Variants in FBXW7 observed in about 807,000 individuals in gnomAD.
FBXW7 encodes the protein F-box and WD repeat domain containing 7.
A neutral mutation model predicts 86.3 loss-of-function variants in FBXW7; 11 were observed. That is an observed-to-expected ratio of 0.13 (90% CI 0.08 to 0.21). FBXW7 has a LOEUF of 0.21. FBXW7 is among the 10% of genes least tolerant of loss of function. The pLI, the probability that FBXW7 is intolerant of heterozygous loss-of-function variation, is 1.00. For missense variants in FBXW7, 488 were observed against 847.4 expected (o/e 0.58, Z 5.27); for synonymous variants, 313 against 297.9 (o/e 1.05, Z -0.52).
At chr4:152,437,631 T>C (rs927868519) in intron 2 of FBXW7, among the ~76,000 whole-genome samples, 4 of 152,216 alleles carry the variant, frequency 2.6e-5, no homozygotes, top group Admixed American at 2.6e-4. Flanking sequence ...GCCTCCAGTT[T>C]TGAAAGAAGT....
At chr4:152,523,284 C>T (rs1028427939) in intron 2 of FBXW7, among the ~76,000 whole-genome samples, 1 of 151,840 alleles carries the variant, frequency 6.6e-6, no homozygotes, top group Non-Finnish European at 1.5e-5. Flanking sequence ...TAAAAACTTT[C>T]ACAATTTAAT....
intron 7 of FBXW7, among the ~76,000 whole-genome samples, chr4:152,334,741 T>G (rs1462562423): frequency 6.6e-6 from 1 of 152,130 alleles, no homozygotes; most frequent in Non-Finnish European, 1.5e-5. Context: ...AAAGAAATAC[T>G]AAGGCGCTAA....
At chr4:152,425,001 T>C (rs965257276) in intron 2 of FBXW7, among the ~76,000 whole-genome samples, 5 of 152,224 alleles carry the variant, frequency 3.3e-5, no homozygotes, top group Non-Finnish European at 7.3e-5. Flanking sequence ...TTGGTAAATC[T>C]GAAATAGGAC....
Position 152,322,714 on chromosome 4 carries a change from T to G in FBXW7, c.*167A>C. ...GTTATGGTTTGTCATCTCTTCTTCT[T>G]TTCCTTCTTAGTCTGTAGGTCTTTT... is the stretch of plus-strand genomic sequence containing the variant. On this transcript the variant is annotated 3_prime_UTR_variant, in exon 14 of 14. Transcript: ENST00000281708. 3.5e-6 allele frequency: 4 copies of G among 1,140,724 alleles called. No homozygotes were observed. The highest frequency in any genetic ancestry group is 4.8e-6 in the Non-Finnish European group (4 of 838,644). 70.7% of individuals were successfully genotyped at this position (1,140,724 alleles called of 1,614,324 possible).
chr4:152,338,625 A>G (rs1182829168), intron 6 of FBXW7, among the ~76,000 whole-genome samples: 2 of 151,934 alleles, frequency 1.3e-5, no homozygotes, highest in Non-Finnish European at 2.9e-5. Flanking sequence ...TGCTTCAGAA[A>G]TAAGAGTTCC....
chr4:152,509,489 T>G (rs1319170877), intron 2 of FBXW7, among the ~76,000 whole-genome samples: 3 of 152,194 alleles, frequency 2.0e-5, no homozygotes, highest in Non-Finnish European at 4.4e-5. Context: ...CGTCTCCTGT[T>G]AACCCAGACT....
intron 2 of FBXW7, among the ~76,000 whole-genome samples, chr4:152,481,925 A>G (rs1050920460): frequency 3.3e-5 from 5 of 152,190 alleles, no homozygotes; most frequent in Non-Finnish European, 7.3e-5. Flanking sequence ...ATAACAAAGG[A>G]TTTACAATAT....
In FBXW7 at chr4:152,396,247, C is replaced by T. The variant is rs568626143; in HGVS notation, c.501+15056G>A. Among the ~76,000 whole-genome samples the T allele has an allele frequency of 2.3e-3, 348 of 152,088 alleles. 1 individual carries two copies. Among genetic ancestry groups the T allele is most frequent in the African/African-American group, 8.1e-3 (337 of 41,552 alleles). ...TGACTTCTGGGTGGATAAAAGTGAT[C>T]TCTTACCCTTTATAAAATAATACAT... On this transcript the variant is annotated intron_variant, in intron 4 of 13. Transcript: ENST00000281708.
chr4:152,389,723 T>C (rs961937665), intron 4 of FBXW7, among the ~76,000 whole-genome samples: 2 of 151,816 alleles, frequency 1.3e-5, no homozygotes, highest in African/African-American at 2.4e-5. Flanking sequence ...AATATATCCA[T>C]GTAAAAAAAA....
At position 152,337,918 on chromosome 4, in the gene FBXW7, T is replaced by G; in HGVS notation, c.745A>C (p.Lys249Gln). ...ATGAGTTCATCTAAAGCAAGCAATT[T>G]CTCTGGTCCACTCCAGCTCTATCAA... Reference protein sequence around the residue: ...KMFQSWSGPEKLLALDELIDS... With the variant: ...KMFQSWSGPEQLLALDELIDS... The change falls in exon 7 of 14, where the codon AAA becomes CAA. Residue 249 changes from lysine (K) to glutamine (Q), a missense_variant. Coordinates refer to ENST00000281708, the MANE Select transcript of FBXW7 (RefSeq NM_001349798.2). 6.2e-7 allele frequency: 1 copy of G among 1,611,848 alleles called. No homozygotes were observed. The highest frequency in any genetic ancestry group is 8.5e-7 in the Non-Finnish European group (1 of 1,179,038).
In FBXW7 at chr4:152,346,921, A is replaced by G. The variant is rs1227364077; in HGVS notation, c.726+9T>C. 1 of 1,612,752 alleles carries G rather than the reference A, an allele frequency of 6.2e-7. No individual in the cohort carries two copies. Among genetic ancestry groups the G allele is most frequent in the Non-Finnish European group, 8.5e-7 (1 of 1,179,456 alleles). ...GAGGCATTTCAAGTACTATGTTTAG[A>G]TATGTCACCTGAAACATTTTTAGCC... On this transcript the variant is annotated intron_variant, in intron 6 of 13. Transcript: ENST00000281708.
rs1030654510 is a variant in FBXW7, at chr4:152,439,224, C to T, written c.-119-26695G>A. ...ATAGAAAATCCATGACAATATTTTT[C>T]CCACGTTAATTTTTTTTTTTAAGGG... On this transcript the variant is annotated intron_variant, in intron 2 of 13. Transcript: ENST00000281708. 9.9e-5 allele frequency among the ~76,000 whole-genome samples: 15 copies of T among 152,056 alleles called. No individual in the cohort carries two copies. In the East Asian group the frequency reaches 1.5e-3, roughly 16 times the overall value.
intron 4 of FBXW7, among the ~76,000 whole-genome samples, chr4:152,357,564 G>A (rs1014040922): frequency 3.9e-4 from 59 of 151,946 alleles, no homozygotes; most frequent in African/African-American, 1.3e-3. Context: ...CAAGTAATCC[G>A]CCCGCCTCAG....
chr4:152,495,353 A>G (rs1746229432), intron 2 of FBXW7, among the ~76,000 whole-genome samples: 1 of 152,166 alleles, frequency 6.6e-6, no homozygotes, highest in South Asian at 2.1e-4. Context: ...AGGCAGAAGA[A>G]TCGCTTGAAA....
intron 2 of FBXW7, among the ~76,000 whole-genome samples, chr4:152,416,110 C>A (rs2714798): frequency 0.29 from 43,601 of 151,994 alleles, 7,968 homozygotes; most frequent in Non-Finnish European, 0.41. Context: ...GGAAAAGGGA[C>A]TTTTGTTTTT....
chr4:152,404,421 G>T (rs979217175), intron 4 of FBXW7, among the ~76,000 whole-genome samples: 1 of 152,096 alleles, frequency 6.6e-6, no homozygotes, highest in Non-Finnish European at 1.5e-5. Context: ...CCTAACATTT[G>T]GTACAACTTC....
At chr4:152,378,494 T>C (rs759957825) in intron 4 of FBXW7, among the ~76,000 whole-genome samples, 1 of 152,180 alleles carries the variant, frequency 6.6e-6, no homozygotes, top group Non-Finnish European at 1.5e-5. Flanking sequence ...GGAGGCACTC[T>C]AAATACAATA....
At chr4:152,483,353 T>C (rs1236042820) in intron 2 of FBXW7, among the ~76,000 whole-genome samples, 1 of 151,524 alleles carries the variant, frequency 6.6e-6, no homozygotes, top group Non-Finnish European at 1.5e-5. Flanking sequence ...TCCATTGTAA[T>C]AGAGTCAAAT....
At chr4:152,467,302 A>C (rs1056910050) in intron 2 of FBXW7, among the ~76,000 whole-genome samples, 1 of 152,038 alleles carries the variant, frequency 6.6e-6, no homozygotes, top group Non-Finnish European at 1.5e-5. Flanking sequence ...TTCACTCTGC[A>C]CTTCTCCTTG....
Sources: allele counts gnomAD v4.1 joint callset (sites outside exome capture counted in the v4.1 genomes callset), GRCh38; gene constraint gnomAD v4.1.1; transcripts MANE v1.5; gene names NCBI Gene and HGNC (gene_info 2026-07-23, HGNC 2026-07-21).